MCTP1: variants seen among roughly 807,000 people sequenced by gnomAD.
MCTP1 encodes multiple C2 and transmembrane domain-containing protein 1.
A neutral mutation model predicts 120.6 loss-of-function variants in MCTP1; 69 were observed. The ratio of observed to expected loss-of-function variants is 0.57; its 90% CI spans 0.47 to 0.70. The LOEUF is 0.70. Ranked by LOEUF, MCTP1 falls within the 30% of genes least tolerant of loss-of-function variation. The pLI is 0.00. For missense variants in MCTP1, 1,203 were observed against 1,248.8 expected (o/e 0.96, Z 0.55); for synonymous variants, 529 against 493.1 (o/e 1.07, Z -0.96).
chr5:95,197,750 C>T (rs1750556093), intron 1 of MCTP1, among the ~76,000 whole-genome samples: 1 of 151,972 alleles, frequency 6.6e-6, no homozygotes, highest in African/African-American at 2.4e-5. Flanking sequence ...TCTCTTTATC[C>T]ATATATGCAT....
At chr5:94,937,835 C>T (rs1816578649) in intron 5 of MCTP1, among the ~76,000 whole-genome samples, 1 of 151,984 alleles carries the variant, frequency 6.6e-6, no homozygotes, top group Non-Finnish European at 1.5e-5. Context: ...TCACCCAAAT[C>T]ACCACAATCG....
At chr5:94,929,307 A>C (rs1761693337) in intron 6 of MCTP1, among the ~76,000 whole-genome samples, 2 of 152,144 alleles carry the variant, frequency 1.3e-5, no homozygotes, top group Non-Finnish European at 2.9e-5. Context: ...CACCATTGAC[A>C]CTCAAAGACA....
intron 1 of MCTP1, chr5:95,081,776 A>T (rs1319051901): frequency 8.9e-7 from 1 of 1,122,686 alleles, no homozygotes; most frequent in Admixed American, 4.8e-5. Flanking sequence ...AACAAACATC[A>T]TATCTGGGGT....
intron 1 of MCTP1, among the ~76,000 whole-genome samples, chr5:95,266,248 C>A (rs1758873663): frequency 6.6e-6 from 1 of 152,140 alleles, no homozygotes; most frequent in South Asian, 2.1e-4. Flanking sequence ...CAAGTTTTAA[C>A]TTTTATAATG....
chr5:95,079,211 C>G (rs1159862411), intron 1 of MCTP1, among the ~76,000 whole-genome samples: 1 of 152,140 alleles, frequency 6.6e-6, no homozygotes, highest in Non-Finnish European at 1.5e-5. Flanking sequence ...AACAGACTCT[C>G]CTGGTGAGTT....
At chr5:95,001,316 A>G (rs1016348039) in intron 2 of MCTP1, among the ~76,000 whole-genome samples, 6 of 152,210 alleles carry the variant, frequency 3.9e-5, no homozygotes, top group Admixed American at 1.3e-4. Flanking sequence ...AAAGATACCA[A>G]AAAATGTGGA....
intron 1 of MCTP1, among the ~76,000 whole-genome samples, chr5:95,122,619 C>T (rs1758327362): frequency 6.6e-6 from 1 of 152,082 alleles, no homozygotes; most frequent in African/African-American, 2.4e-5. Context: ...ATAGAGCTAC[C>T]ATACTATCCA....
intron 2 of MCTP1, among the ~76,000 whole-genome samples, chr5:94,993,343 A>G (rs966432317): frequency 2.0e-5 from 3 of 152,204 alleles, no homozygotes; most frequent in East Asian, 3.8e-4. Flanking sequence ...ACGTATTCAC[A>G]GTGGACAAAA....
At position 94,710,887 on chromosome 5, in the gene MCTP1, T is replaced by C; in HGVS notation, c.2761A>G (p.Ile921Val). The change falls in exon 21 of 23, where the codon ATT becomes GTT. Residue 921 changes from isoleucine (I) to valine (V), a missense_variant. Around this residue, in one of 2 missense-constraint regions of MCTP1, gnomAD observed 740 missense variants for 871.1 expected, o/e 0.85. Coordinates refer to ENST00000515393, the MANE Select transcript of MCTP1 (RefSeq NM_024717.7). ...WTVPFLSWLA[I>V]VALCVFTAIL... is the part of the protein sequence containing the mutation. ...GCTGTGAACACACAGAGGGCTACAATGGCCAGCCAGCTTAAGAATGGGACA... is the reference window on the plus strand; with the variant it reads ...GCTGTGAACACACAGAGGGCTACAACGGCCAGCCAGCTTAAGAATGGGACA... 1.9e-6 allele frequency: 3 copies of C among 1,612,974 alleles called. No individual in the cohort carries two copies. The highest frequency in any genetic ancestry group is 2.5e-6 in the Non-Finnish European group (3 of 1,179,334).
At chr5:94,726,881 C>G (rs1170464822) in intron 19 of MCTP1, among the ~76,000 whole-genome samples, 3 of 152,166 alleles carry the variant, frequency 2.0e-5, no homozygotes, top group Non-Finnish European at 2.9e-5. Flanking sequence ...GATATTTAAA[C>G]TTGGGTCTTC....
intron 12 of MCTP1, among the ~76,000 whole-genome samples, chr5:94,873,784 C>T (rs1229017220): frequency 6.6e-6 from 1 of 151,684 alleles, no homozygotes; most frequent in East Asian, 1.9e-4. Flanking sequence ...TCTATGACAT[C>T]ACAAGAAGGT....
chr5:94,957,667 G>A (rs1213026954), intron 2 of MCTP1, among the ~76,000 whole-genome samples: 1 of 151,792 alleles, frequency 6.6e-6, no homozygotes, highest in Non-Finnish European at 1.5e-5. Context: ...AAAAAAAAGA[G>A]AAAGAAGGGA....
intron 18 of MCTP1, among the ~76,000 whole-genome samples, chr5:94,783,534 T>C (rs1777016240): frequency 6.6e-6 from 1 of 152,058 alleles, no homozygotes; most frequent in Admixed American, 6.6e-5. Context: ...ATGTTTGGTA[T>C]TATTCTCCCG....
At chr5:94,794,045 A>G (rs1404128080) in intron 18 of MCTP1, among the ~76,000 whole-genome samples, 2 of 152,232 alleles carry the variant, frequency 1.3e-5, no homozygotes, top group East Asian at 3.9e-4. Flanking sequence ...TATTTCCTAA[A>G]GTATTTTAGC....
chr5:95,240,676 C>T (rs1467980670), intron 1 of MCTP1, among the ~76,000 whole-genome samples: 2 of 152,130 alleles, frequency 1.3e-5, no homozygotes, highest in African/African-American at 4.8e-5. Context: ...CAAATCAGTG[C>T]AGGCTTATTT....
chr5:94,925,303 A>G (rs1213691163), intron 6 of MCTP1, among the ~76,000 whole-genome samples: 1 of 152,206 alleles, frequency 6.6e-6, no homozygotes, highest in African/African-American at 2.4e-5. Context: ...AGCATAAACT[A>G]TTCATGAATT....
intron 18 of MCTP1, among the ~76,000 whole-genome samples, chr5:94,796,216 C>T (rs1447230607): frequency 1.3e-5 from 2 of 151,946 alleles, no homozygotes; most frequent in East Asian, 1.9e-4. Context: ...TTTGATTTTT[C>T]GTTTATAGTT....
In MCTP1 at chr5:94,707,427, T is replaced by C. The variant is rs1435389910; in HGVS notation, c.*69A>G. 2.6e-6 allele frequency: 3 copies of C among 1,163,210 alleles called. No individual in the cohort carries two copies. The highest frequency in any genetic ancestry group is 1.3e-5 in the South Asian group (1 of 75,702). 72.1% of individuals were successfully genotyped at this position (1,163,210 alleles called of 1,614,324 possible). On this transcript the variant is annotated 3_prime_UTR_variant, in exon 23 of 23. Coordinates refer to ENST00000515393, the MANE Select transcript of MCTP1 (RefSeq NM_024717.7). The stretch of plus-strand genomic sequence containing the variant: ...TAAAAAGCAGAAAGAAAGGAAATGC[T>C]GCTGAGGCTGAGGGCTTTTTCTTTT...
chr5:95,280,595 C>A (rs1760234231), intron 1 of MCTP1, among the ~76,000 whole-genome samples: 1 of 152,124 alleles, frequency 6.6e-6, no homozygotes, highest in Non-Finnish European at 1.5e-5. Flanking sequence ...TGAAATGCAT[C>A]TGGTATGACA....
Sources: allele counts gnomAD v4.1 joint callset (sites outside exome capture counted in the v4.1 genomes callset), GRCh38; gene constraint gnomAD v4.1.1; regional missense constraint gnomAD v4.1.1; transcripts MANE v1.5; gene names NCBI Gene and HGNC (gene_info 2026-07-23, HGNC 2026-07-21).